The following FHIT variants were observed in gnomAD, a reference collection of about 807,000 sequenced individuals.
FHIT encodes the protein bis(5'-adenosyl)-triphosphatase.
FHIT carries 19 observed loss-of-function variants against 17.9 expected under a neutral mutation model. The ratio of observed to expected loss-of-function variants is 1.06; its 90% CI spans 0.74 to 1.56. FHIT has a LOEUF of 1.56. Ranked by LOEUF, FHIT falls within the 40% of genes most tolerant of loss-of-function variation. FHIT has a pLI of 0.00. For synonymous variants in FHIT, 81 were observed against 69.7 expected (o/e 1.16, Z -0.81); for missense variants, 248 against 189.2 (o/e 1.31, Z -1.82).
chr3:60,043,663 T>TATAG (rs4019407), intron 5 of FHIT, among the ~76,000 whole-genome samples: 51,599 of 136,492 alleles, frequency 0.38, 9,388 homozygotes, highest in African/African-American at 0.47. Context: ...CTGTGCATGT[T>TATAG]ATAGATAGAC....
intron 3 of FHIT, among the ~76,000 whole-genome samples, chr3:60,873,366 T>C (rs1294552700): frequency 3.9e-5 from 6 of 152,160 alleles, no homozygotes; most frequent in African/African-American, 9.7e-5. Flanking sequence ...TTTTCTGTCA[T>C]GTCAGGAAAA....
intron 8 of FHIT, among the ~76,000 whole-genome samples, chr3:59,874,356 A>C (rs560198170): frequency 6.6e-6 from 1 of 152,300 alleles, no homozygotes; most frequent in East Asian, 1.9e-4. Context: ...ATTGATCCAT[A>C]ATTTCGACTA....
chr3:59,834,534 G>T (rs755542749), intron 8 of FHIT, among the ~76,000 whole-genome samples: 10 of 152,170 alleles, frequency 6.6e-5, no homozygotes, highest in Non-Finnish European at 1.5e-4. Flanking sequence ...AGAAATCCAA[G>T]ATCAGAGTGC....
At chr3:60,092,715 A>G (rs1432919602) in intron 5 of FHIT, among the ~76,000 whole-genome samples, 2 of 152,224 alleles carry the variant, frequency 1.3e-5, no homozygotes, top group Non-Finnish European at 2.9e-5. Context: ...GGGCCAAGAT[A>G]TCTGAGCTAG....
At chr3:60,415,666 C>G (rs551596148) in intron 5 of FHIT, among the ~76,000 whole-genome samples, 50 of 151,146 alleles carry the variant, frequency 3.3e-4, no homozygotes, top group African/African-American at 1.2e-3. Context: ...CATATCTATC[C>G]AACATCAAGC....
intron 5 of FHIT, among the ~76,000 whole-genome samples, chr3:60,364,734 G>T (rs1700040961): frequency 6.6e-6 from 1 of 152,136 alleles, no homozygotes; most frequent in Non-Finnish European, 1.5e-5. Context: ...AATAGCATTT[G>T]AATTGGTGAA....
At chr3:61,145,664 A>AT (rs1340621461) in intron 2 of FHIT, among the ~76,000 whole-genome samples, 1 of 152,068 alleles carries the variant, frequency 6.6e-6, no homozygotes, top group Non-Finnish European at 1.5e-5. Context: ...ATAACATGGC[A>AT]TATCTTTCCA....
intron 7 of FHIT, among the ~76,000 whole-genome samples, chr3:59,988,303 C>G (rs890096349): frequency 6.6e-6 from 1 of 152,090 alleles, no homozygotes; most frequent in Non-Finnish European, 1.5e-5. Flanking sequence ...TAGGAAGCTT[C>G]GTGACTTACT....
intron 5 of FHIT, among the ~76,000 whole-genome samples, chr3:60,335,696 C>T (rs1710202262): frequency 6.6e-6 from 1 of 152,052 alleles, no homozygotes. Context: ...AACACAAAAA[C>T]CTCTTGTTTT....
intron 5 of FHIT, among the ~76,000 whole-genome samples, chr3:60,151,063 G>A (rs1286216803): frequency 6.6e-6 from 1 of 152,126 alleles, no homozygotes; most frequent in African/African-American, 2.4e-5. Context: ...GGATGGATTT[G>A]CACTGGCATC....
At chr3:61,198,901 TG>T (rs1482929949) in intron 2 of FHIT, among the ~76,000 whole-genome samples, 3 of 2,020 alleles carry the variant, frequency 1.5e-3, no homozygotes, top group South Asian at 0.02. Context: ...CCGCCGATGA[TG>T]ATGATGATGA....
At chr3:60,878,669 G>T (rs965737474) in intron 3 of FHIT, among the ~76,000 whole-genome samples, 6 of 151,862 alleles carry the variant, frequency 4.0e-5, no homozygotes, top group East Asian at 3.9e-4. Context: ...GCCCCGGTGT[G>T]TGATGTTCCC....
At chr3:60,232,421 G>A (rs1246532950) in intron 5 of FHIT, among the ~76,000 whole-genome samples, 2 of 152,136 alleles carry the variant, frequency 1.3e-5, no homozygotes, top group Non-Finnish European at 1.5e-5. Context: ...CATTGAGCAG[G>A]ACTGAAGGGA....
At position 60,427,783 on chromosome 3, in the gene FHIT, A is replaced by G. The variant is rs17063090; in HGVS notation, c.103+109077T>C. Among the ~76,000 whole-genome samples the G allele has an allele frequency of 9.4e-3, 1,429 of 152,166 alleles. 15 individuals carry two copies. Among genetic ancestry groups the G allele is most frequent in the East Asian group, 0.037 (189 of 5,160 alleles). On this transcript the variant is annotated intron_variant, in intron 5 of 9. Coordinates refer to ENST00000492590, the MANE Select transcript of FHIT (RefSeq NM_002012.4). ...TATTTTTCCTACTGCCTGCTGGTCAATTCCATGTGGGCACTACCAAACTCC... is the reference window on the plus strand; with the variant it reads ...TATTTTTCCTACTGCCTGCTGGTCAGTTCCATGTGGGCACTACCAAACTCC...
rs1404199127 is a variant in FHIT at position 60,604,302 on chromosome 3, G to A, written c.-17-67323C>T. Among the ~76,000 whole-genome samples, 11 of 152,228 alleles carry A rather than the reference G, an allele frequency of 7.2e-5. No homozygotes were observed. The South Asian group carries it at 1.7e-3, about 23-fold the overall frequency. On this transcript the variant is annotated intron_variant, in intron 4 of 9. Transcript: ENST00000492590. ...GGAATCCAGGGTAGAGCAGGACTCCGACCAAGAAGATATAAAGGCCTTGGT... is the reference window on the plus strand; with the variant it reads ...GGAATCCAGGGTAGAGCAGGACTCCAACCAAGAAGATATAAAGGCCTTGGT...
At chr3:60,323,860 C>A (rs150190847) in intron 5 of FHIT, among the ~76,000 whole-genome samples, 1 of 152,110 alleles carries the variant, frequency 6.6e-6, no homozygotes, top group Non-Finnish European at 1.5e-5. Flanking sequence ...GGCCTGCCCA[C>A]GCTTTGTTAT....
At chr3:60,506,130 G>A (rs1276370929) in intron 5 of FHIT, among the ~76,000 whole-genome samples, 2 of 152,118 alleles carry the variant, frequency 1.3e-5, no homozygotes, top group Non-Finnish European at 2.9e-5. Flanking sequence ...ATTTCTCACA[G>A]ACAATATAAT....
At chr3:60,215,620 A>T (rs1703663803) in intron 5 of FHIT, among the ~76,000 whole-genome samples, 1 of 152,176 alleles carries the variant, frequency 6.6e-6, no homozygotes, top group Non-Finnish European at 1.5e-5. Context: ...GGATAGAAGA[A>T]ATATCTACCT....
chr3:60,730,087 T>C (rs532635205), intron 4 of FHIT: 18 of 513,382 alleles, frequency 3.5e-5, no homozygotes, highest in South Asian at 2.8e-4. Context: ...TCTCTTCAGG[T>C]AGTAGATGTG....
Sources: gnomAD v4.1 joint callset for allele counts (sites outside exome capture counted in the v4.1 genomes callset) on GRCh38, gnomAD v4.1.1 for gene constraint, MANE v1.5 for transcripts, NCBI Gene and HGNC (gene_info 2026-07-23, HGNC 2026-07-21) for gene names.